The following TJP1 variants were observed in gnomAD, a reference collection of about 807,000 sequenced individuals.
The protein encoded by TJP1 is tight junction protein 1, also known as tight junction protein ZO-1.
Under a neutral mutation model 194.2 loss-of-function variants are expected in TJP1, and 43 were observed. That is an observed-to-expected ratio of 0.22 (90% CI 0.17 to 0.29). TJP1 has a LOEUF of 0.29. Among genes scored for constraint, TJP1 ranks in the 10% least tolerant of loss-of-function variants. The pLI, the probability that TJP1 is intolerant of heterozygous loss-of-function variation, is 1.00. For synonymous variants in TJP1, 801 were observed against 779.0 expected, an observed-to-expected ratio of 1.03 and a Z score of -0.47; for missense variants, 1,971 against 2,185.7, an observed-to-expected ratio of 0.90 and a Z score of 1.96.
exon 2 of TJP1, chr15:29,956,263 C>G: frequency 7.8e-7 from 1 of 1,288,666 alleles, no homozygotes; most frequent in South Asian, 1.2e-5. Flanking sequence ...GCTATCAAGG[C>G]TTTTGCTTCT....
At chr15:29,745,180 G>A (rs2044682968) in intron 8 of TJP1, among the ~76,000 whole-genome samples, 1 of 151,422 alleles carries the variant, frequency 6.6e-6, no homozygotes, top group Admixed American at 6.6e-5. Context: ...AATGCTGAAT[G>A]TATTTACACT....
At chr15:29,920,796 T>C (rs1404287255) in intron 2 of TJP1, among the ~76,000 whole-genome samples, 1 of 152,168 alleles carries the variant, frequency 6.6e-6, no homozygotes, top group Non-Finnish European at 1.5e-5. Context: ...ATTCAGGAAT[T>C]GAGTCATCAT....
At chr15:29,940,945 T>G (rs1210652352) in intron 2 of TJP1, among the ~76,000 whole-genome samples, 2 of 152,076 alleles carry the variant, frequency 1.3e-5, no homozygotes, top group Non-Finnish European at 2.9e-5. Context: ...CACTGCACTG[T>G]GCCACTTTCA....
intron 5 of TJP1, 100 bp downstream of exon 5, chr15:29,766,166 A>G: frequency 6.9e-7 from 1 of 1,458,068 alleles, no homozygotes; most frequent in East Asian, 2.3e-5. Flanking sequence ...AAACACAAAG[A>G]CAACAAAGCA....
chr15:29,807,932 T>G (rs1567068739), intron 1 of TJP1, among the ~76,000 whole-genome samples: 1 of 152,168 alleles, frequency 6.6e-6, no homozygotes, highest in African/African-American at 2.4e-5. Context: ...TTCATAATCC[T>G]TGAAAACTGG....
chr15:29,938,212 A>T (rs1001454856), intron 2 of TJP1, among the ~76,000 whole-genome samples: 3 of 152,246 alleles, frequency 2.0e-5, no homozygotes, highest in Non-Finnish European at 4.4e-5. Context: ...TCGGTGACTG[A>T]CTCACCTAAA....
chr15:29,875,598 G>T (rs939605393), intron 2 of TJP1, among the ~76,000 whole-genome samples: 3 of 151,954 alleles, frequency 2.0e-5, no homozygotes, highest in African/African-American at 7.3e-5. Flanking sequence ...ATGGTGTCCT[G>T]CTCTGTCACC....
At chr15:29,782,208 A>T (rs1407302679) in intron 2 of TJP1, among the ~76,000 whole-genome samples, 3 of 152,138 alleles carry the variant, frequency 2.0e-5, no homozygotes, top group African/African-American at 7.2e-5. Context: ...AATGCAATTC[A>T]TATGGAACCA....
chr15:29,851,266 TA>T (rs1435166177), intron 2 of TJP1, among the ~76,000 whole-genome samples: 1 of 151,770 alleles, frequency 6.6e-6, no homozygotes, highest in Non-Finnish European at 1.5e-5. Flanking sequence ...CAAGGAAACA[TA>T]AAAAATATTA....
chr15:29,914,265 A>G (rs1522639), intron 2 of TJP1, among the ~76,000 whole-genome samples: 41,146 of 151,814 alleles, frequency 0.27, 5,979 homozygotes, highest in African/African-American at 0.38. Flanking sequence ...GCAAATTTAT[A>G]TTTATTTGGT....
At chr15:29,946,117 C>A (rs1392553416) in intron 2 of TJP1, among the ~76,000 whole-genome samples, 1 of 152,134 alleles carries the variant, frequency 6.6e-6, no homozygotes, top group East Asian at 1.9e-4. Context: ...TCAGGAGAGC[C>A]AGGCTGAAGG....
intron 2 of TJP1, among the ~76,000 whole-genome samples, chr15:29,834,117 G>A (rs566069888): frequency 8.8e-4 from 132 of 150,734 alleles, no homozygotes; most frequent in African/African-American, 3.0e-3. Context: ...TCCTGACCTC[G>A]TGATCGGCCC....
chr15:29,837,863 C>A (rs1272814830), intron 2 of TJP1, among the ~76,000 whole-genome samples: 1 of 152,152 alleles, frequency 6.6e-6, no homozygotes, highest in South Asian at 2.1e-4. Context: ...TCTTCTCAAG[C>A]GCACAATACA....
chr15:29,796,793 G>A (rs746019371), intron 2 of TJP1, among the ~76,000 whole-genome samples: 1 of 152,110 alleles, frequency 6.6e-6, no homozygotes, highest in African/African-American at 2.4e-5. Flanking sequence ...TACAGTAATC[G>A]ATGCATAAGT....
chr15:29,833,984 G>A (rs1437204238), intron 2 of TJP1, among the ~76,000 whole-genome samples: 3 of 113,700 alleles, frequency 2.6e-5, no homozygotes, highest in African/African-American at 9.8e-5. Flanking sequence ...CCGGGTTCAC[G>A]CCATTCTCCT....
At chr15:29,757,470 G>GT (rs1264890849) in intron 8 of TJP1, among the ~76,000 whole-genome samples, 1 of 152,144 alleles carries the variant, frequency 6.6e-6, no homozygotes, top group African/African-American at 2.4e-5. Context: ...GTCCTTTAGT[G>GT]TTTTTTTACA....
intron 8 of TJP1, among the ~76,000 whole-genome samples, chr15:29,749,536 C>T (rs2045101620): frequency 6.6e-6 from 1 of 152,134 alleles, no homozygotes; most frequent in African/African-American, 2.4e-5. Context: ...TGCATCCCCT[C>T]AGCATGCTCC....
intron 19 of TJP1, 119 bp from the exon 20 acceptor site, chr15:29,720,135 C>T: frequency 7.3e-7 from 1 of 1,365,498 alleles, no homozygotes; most frequent in Non-Finnish European, 9.8e-7. Flanking sequence ...AAATTATGAC[C>T]TCATGTCCTA....
At chr15:29,968,852 G>T in exon 1 of TJP1, 1 of 681,304 alleles carries the variant, frequency 1.5e-6, no homozygotes, top group Non-Finnish European at 1.9e-6. Flanking sequence ...ATCAGCTCTG[G>T]GCCATCCGCC....
Sources: allele counts gnomAD v4.1 joint callset (sites outside exome capture counted in the v4.1 genomes callset), GRCh38; gene constraint gnomAD v4.1.1; transcripts MANE v1.5; gene names NCBI Gene and HGNC (gene_info 2026-07-23, HGNC 2026-07-21).